The following GPR155 variants were observed in gnomAD, a reference collection of about 807,000 sequenced individuals.
GPR155 encodes G protein-coupled receptor 155, also known as lysosomal cholesterol signaling protein.
A neutral mutation model predicts 93.1 loss-of-function variants in GPR155; 65 were observed. That is an observed-to-expected ratio of 0.70 (90% confidence interval 0.57 to 0.86). GPR155 has a LOEUF of 0.86. Among genes scored for constraint, GPR155 ranks in the 40% least tolerant of loss-of-function variants. GPR155 has a pLI of 0.00. For missense variants in GPR155, 838 were observed against 1,034.8 expected, an observed-to-expected ratio of 0.81 and a Z score of 2.61; for synonymous variants, 319 against 360.1, an observed-to-expected ratio of 0.89 and a Z score of 1.29.
chr2:174,459,999 G>C lies in GPR155; in HGVS notation c.1650C>G (p.Ser550Arg). 6.2e-7 allele frequency: 1 copy of C among 1,613,854 alleles called. No homozygotes were observed. Among genetic ancestry groups the C allele is most frequent in the Non-Finnish European group, 8.5e-7 (1 of 1,179,942 alleles). ...MCMNQTAQAG[S>R]YEGFDQSQSH... ...TCTGAGACTGATCGAAACCTTCATAGCTTCCTGCTTGGGCAGTCTGGTTCA... is the reference window on the plus strand; with the variant it reads ...TCTGAGACTGATCGAAACCTTCATACCTTCCTGCTTGGGCAGTCTGGTTCA... The change falls in exon 10 of 16, where the codon AGC becomes AGG. Residue 550 changes from serine (S) to arginine (R), a missense_variant. Coordinates refer to ENST00000392552, the MANE Select transcript of GPR155 (RefSeq NM_152529.7).
At chr2:174,458,183 A>T (rs1687576252) in intron 10 of GPR155, among the ~76,000 whole-genome samples, 1 of 152,208 alleles carries the variant, frequency 6.6e-6, no homozygotes, top group Admixed American at 6.5e-5. Flanking sequence ...TGTTAGGCAG[A>T]ATTAAAAGTT....
rs1179447049 is a variant in GPR155, at chr2:174,445,191, GAA to G, written c.2014-17_2014-16del. On this transcript the variant is annotated splice_polypyrimidine_tract_variant and intron_variant, in intron 12 of 15. Transcript: ENST00000392552. Reference sequence around the variant, plus strand: ...CTGGAAAGATTCTGTAAAGAAAGGAGAAAAGAGTATTTTAAAATCAAGCAAGC... The same window carrying G: ...CTGGAAAGATTCTGTAAAGAAAGGAGAAGAGTATTTTAAAATCAAGCAAGC... 1 of 1,320,976 alleles carries G rather than the reference GAA, an allele frequency of 7.6e-7. No individual in the cohort carries two copies. The highest frequency in any genetic ancestry group is 1.4e-5 in the African/African-American group (1 of 69,258). The allele number at this position is 1,320,976 out of a possible 1,614,324, so 81.8% of individuals were successfully genotyped here. A position where few individuals can be genotyped will look rare whatever the true frequency, so the allele number is the denominator to read the frequency against.
intron 1 of GPR155, among the ~76,000 whole-genome samples, chr2:174,483,567 TGAC>T (rs1049303622): frequency 2.0e-5 from 3 of 152,104 alleles, no homozygotes; most frequent in African/African-American, 4.8e-5. Context: ...GAAATTAAAA[TGAC>T]GACAATTGCC....
chr2:174,436,386 G>T lies in GPR155; in HGVS notation c.2343C>A (p.Phe781Leu). The T allele has an allele frequency of 6.2e-7, 1 of 1,614,136 alleles. No individual in the cohort carries two copies. ...GCCAGCTCACCAGGTCACAGCCACA[G>T]AAAGTTCCAGCAGAAGTCTTTGCAC... ...RCGAKTSAGT[F>L]CGCDLVSWLI... Residue 781 changes from phenylalanine (F) to leucine (L), a missense_variant, in exon 16 of 16, where the codon TTC becomes TTA. Phe to Leu is a conservative substitution (Grantham distance 22). This residue lies in a region of GPR155 where 146 missense variants were observed against 177.5 expected (regional missense o/e 0.82). Transcript: ENST00000392552.
chr2:174,439,375 C>A (rs1686886714), intron 15 of GPR155, among the ~76,000 whole-genome samples: 2 of 151,994 alleles, frequency 1.3e-5, no homozygotes, highest in African/African-American at 4.8e-5. Flanking sequence ...TAAAAGAGAA[C>A]CTGCTATATA....
intron 2 of GPR155, among the ~76,000 whole-genome samples, chr2:174,480,792 C>G (rs529902022): frequency 6.6e-6 from 1 of 151,574 alleles, no homozygotes; most frequent in East Asian, 1.9e-4. Flanking sequence ...AAATTTGAGA[C>G]AGGGTCTCAC....
chr2:174,475,139 C>CA (rs1216167172), intron 2 of GPR155, among the ~76,000 whole-genome samples: 1 of 149,732 alleles, frequency 6.7e-6, no homozygotes, highest in African/African-American at 2.5e-5. Flanking sequence ...ACTAAAAATA[C>CA]AAAAAATTAG....
rs997322729 is a variant in GPR155, at chr2:174,434,241, G to T, written c.*1875C>A. The T allele has an allele frequency of 1.3e-5, 2 of 151,338 alleles. No individual in the cohort carries two copies. The highest frequency in any genetic ancestry group is 1.9e-4 in the East Asian group (1 of 5,176). 9.4% of individuals were successfully genotyped at this position (151,338 alleles called of 1,614,324 possible). A position where few individuals can be genotyped will look rare whatever the true frequency, so the allele number is the denominator to read the frequency against. On this transcript the variant is annotated 3_prime_UTR_variant, in exon 16 of 16. Coordinates refer to ENST00000392552, the MANE Select transcript of GPR155 (RefSeq NM_152529.7). ...CTGCCTCGGCCTCCCAAAGTGCTGG[G>T]ATTACAGGTATGAGTCACCATGCCC...
At chr2:174,469,228 G>C (rs1201243593) in intron 4 of GPR155, among the ~76,000 whole-genome samples, 161 bp from the exon 5 acceptor site, 1 of 152,150 alleles carries the variant, frequency 6.6e-6, no homozygotes, top group African/African-American at 2.4e-5. Context: ...TCCCCTTTCT[G>C]AGAATCCTTA....
At position 174,432,478 on chromosome 2, in the gene GPR155, A is replaced by G. The variant is rs927822477; in HGVS notation, c.*3638T>C. Reference sequence around the variant, plus strand: ...AACAGAAGTAGTATGACTTGTTCACAAACAAATTCTCCACTTGAGTTTCAG... The same window carrying G: ...AACAGAAGTAGTATGACTTGTTCACGAACAAATTCTCCACTTGAGTTTCAG... On this transcript the variant is annotated 3_prime_UTR_variant, in exon 16 of 16. Coordinates refer to ENST00000392552, the MANE Select transcript of GPR155 (RefSeq NM_152529.7). 6.6e-6 allele frequency: 1 copy of G among 152,360 alleles called. No homozygotes were observed. Among genetic ancestry groups the G allele is most frequent in the Non-Finnish European group, 1.5e-5 (1 of 68,040 alleles). The allele number at this position is 152,360 out of a possible 1,614,324, so 9.4% of individuals were successfully genotyped here.
chr2:174,475,853 A>C (rs1018619322), intron 2 of GPR155, among the ~76,000 whole-genome samples: 2 of 152,218 alleles, frequency 1.3e-5, no homozygotes, highest in African/African-American at 4.8e-5. Flanking sequence ...TCTGAGTATC[A>C]GAATTTTTCC....
At chr2:174,483,169 C>T (rs1015397691) in intron 1 of GPR155, 13 of 151,416 alleles carry the variant, frequency 8.6e-5, no homozygotes, top group South Asian at 4.2e-4. Flanking sequence ...CTGGCATACA[C>T]GAGACAGAAA....
intron 15 of GPR155, among the ~76,000 whole-genome samples, chr2:174,438,894 T>C (rs1686870772): frequency 6.6e-6 from 1 of 152,252 alleles, no homozygotes; most frequent in Non-Finnish European, 1.5e-5. Flanking sequence ...TAACTTTTCT[T>C]CATAGTTTAC....
intron 13 of GPR155, 132 bp downstream of exon 13, chr2:174,444,949 T>G (rs1232909864): frequency 3.3e-6 from 2 of 608,876 alleles, no homozygotes; most frequent in Non-Finnish European, 5.9e-6. Context: ...TACCAGCAGC[T>G]GGCAAACAAA....
chr2:174,481,309 A>T (rs949656999), intron 2 of GPR155, among the ~76,000 whole-genome samples, 188 bp downstream of exon 2: 2 of 152,196 alleles, frequency 1.3e-5, no homozygotes, highest in Non-Finnish European at 2.9e-5. Flanking sequence ...ATGACCGTTT[A>T]TTTTAGGTAG....
chr2:174,470,160 T>C (rs1202981756), intron 4 of GPR155, among the ~76,000 whole-genome samples: 2 of 152,168 alleles, frequency 1.3e-5, no homozygotes, highest in African/African-American at 4.8e-5. Flanking sequence ...TTGCTTTCTA[T>C]GTTTAGAAAT....
chr2:174,456,057 G>T (rs1687508307), intron 10 of GPR155, among the ~76,000 whole-genome samples: 1 of 152,016 alleles, frequency 6.6e-6, no homozygotes, highest in Non-Finnish European at 1.5e-5. Context: ...GGCCAGGCTG[G>T]TCTCAAACAC....
Position 174,473,067 on chromosome 2 carries a change from GA to G in GPR155, c.757del (p.Ser253LeufsTer16), listed in dbSNP as rs1276295492. Reference sequence around the variant, plus strand: ...ACCAAGATAAAATAGGGCTGATCCAGAAAAAGAATTTCCAAGTCCATCAAGA... The same window carrying G: ...ACCAAGATAAAATAGGGCTGATCCAGAAAAGAATTTCCAAGTCCATCAAGA... Reference protein sequence around the residue: ...NFLDGLGNSFSGSALFYLGLT... With the variant: ...NFLDGLGNSFXGSALFYLGLT... On this transcript the variant is annotated frameshift_variant, in exon 3 of 16. Transcript: ENST00000392552. LOFTEE classifies it high-confidence loss of function. The G allele has an allele frequency of 1.2e-6, 2 of 1,600,352 alleles. No homozygotes were observed. The highest frequency in any genetic ancestry group is 1.7e-6 in the Non-Finnish European group (2 of 1,176,904).
At position 174,473,191 on chromosome 2, in the gene GPR155, G is replaced by A. The variant is rs1251219406; in HGVS notation, c.634C>T (p.Leu212=). The change falls in exon 3 of 16, where the codon CTG becomes TTG. Residue 212 remains leucine (L), a synonymous_variant. Transcript: ENST00000392552. The part of the protein sequence containing the change: ...NKIKIVGLGL[L]RVLQNPIVFM... ...ACTATTGGGTTCTGTAATACACGCAGGAGTCCGAGTCCCACAATTTTTATT... is the reference window on the plus strand; with the variant it reads ...ACTATTGGGTTCTGTAATACACGCAAGAGTCCGAGTCCCACAATTTTTATT... 6.2e-7 allele frequency: 1 copy of A among 1,613,230 alleles called. No homozygotes were observed. Among genetic ancestry groups the A allele is most frequent in the Non-Finnish European group, 8.5e-7 (1 of 1,179,532 alleles).
Sources: allele counts gnomAD v4.1 joint callset (sites outside exome capture counted in the v4.1 genomes callset), GRCh38; gene constraint gnomAD v4.1.1; regional missense constraint gnomAD v4.1.1; transcripts MANE v1.5; gene names NCBI Gene and HGNC (gene_info 2026-07-23, HGNC 2026-07-21).